Variants in CDH2 observed in about 807,000 individuals in gnomAD.
The protein encoded by CDH2 is cadherin-2.
Under a neutral mutation model 92.0 loss-of-function variants are expected in CDH2, and 17 were observed. The ratio of observed to expected loss-of-function variants is 0.18; its 90% CI spans 0.13 to 0.28. The LOEUF (loss-of-function observed/expected upper bound fraction) is 0.28, where lower values mean the gene tolerates loss of function less well. Among genes scored for constraint, CDH2 ranks in the 10% least tolerant of loss-of-function variants. The pLI, the probability that CDH2 is intolerant of heterozygous loss-of-function variation, is 1.00. For synonymous variants in CDH2, 419 were observed against 415.9 expected (o/e 1.01, Z -0.09); for missense variants, 862 against 1,133.1 (o/e 0.76, Z 3.44).
chr18:28,050,335 C>A (rs1254863872), intron 2 of CDH2, among the ~76,000 whole-genome samples: 6 of 152,112 alleles, frequency 3.9e-5, no homozygotes, highest in African/African-American at 1.4e-4. Flanking sequence ...TAGTATTATA[C>A]AATTGGACCT....
At chr18:27,956,966 T>A (rs144331968) in intron 15 of CDH2, among the ~76,000 whole-genome samples, 1 of 152,284 alleles carries the variant, frequency 6.6e-6, no homozygotes, top group East Asian at 1.9e-4. Flanking sequence ...ACCCACCTTT[T>A]CTGTTTCAGC....
chr18:28,118,176 A>G (rs1428233802), intron 2 of CDH2, among the ~76,000 whole-genome samples: 1 of 151,842 alleles, frequency 6.6e-6, no homozygotes, highest in Non-Finnish European at 1.5e-5. Context: ...AGTTATCTCT[A>G]TGATAATTAA....
intron 2 of CDH2, among the ~76,000 whole-genome samples, chr18:28,075,934 T>C (rs1172071355): frequency 1.3e-5 from 2 of 152,122 alleles, no homozygotes; most frequent in Non-Finnish European, 2.9e-5. Flanking sequence ...CCAAGGGAGA[T>C]AGGGTAAGTA....
chr18:28,053,102 C>A (rs1381867921), intron 2 of CDH2, among the ~76,000 whole-genome samples: 1 of 152,106 alleles, frequency 6.6e-6, no homozygotes, highest in Non-Finnish European at 1.5e-5. Flanking sequence ...GAAACTAAAC[C>A]TGCTGGCACC....
chr18:28,163,673 G>C (rs2016338470), intron 1 of CDH2, among the ~76,000 whole-genome samples: 1 of 152,184 alleles, frequency 6.6e-6, no homozygotes, highest in Admixed American at 6.5e-5. Flanking sequence ...ATGCTCTACA[G>C]CAGTGAAAAT....
intron 15 of CDH2, chr18:27,954,650 T>C (rs142049385): frequency 6.6e-5 from 10 of 152,328 alleles, no homozygotes; most frequent in Admixed American, 2.0e-4. Context: ...CCTTCATTAT[T>C]ATAAGCAGCA....
intron 2 of CDH2, among the ~76,000 whole-genome samples, chr18:28,053,059 C>T (rs2014223613): frequency 6.6e-6 from 1 of 152,096 alleles, no homozygotes; most frequent in Non-Finnish European, 1.5e-5. Flanking sequence ...GAGGACACAG[C>T]TAGAAGGCTA....
chr18:28,084,035 A>G (rs512639), intron 2 of CDH2, among the ~76,000 whole-genome samples: 73 of 152,204 alleles, frequency 4.8e-4, no homozygotes, highest in Non-Finnish European at 2.1e-4. Flanking sequence ...CTGGGTAGCC[A>G]GTAAGCAAAT....
At chr18:28,166,155 TATA>T (rs2016378778) in intron 1 of CDH2, among the ~76,000 whole-genome samples, 2 of 133,584 alleles carry the variant, frequency 1.5e-5, no homozygotes, top group South Asian at 4.8e-4. Flanking sequence ...CACTCATATA[TATA>T]TATATATATA....
At chr18:28,077,874 G>A (rs1014018807) in intron 2 of CDH2, among the ~76,000 whole-genome samples, 9 of 106,448 alleles carry the variant, frequency 8.5e-5, no homozygotes, top group African/African-American at 3.4e-4. Context: ...CTGGGCAACA[G>A]AGTGAGACCC....
chr18:28,130,609 TGAGAAAATGGAGCGCATCCA>T (rs2015751475), intron 2 of CDH2, among the ~76,000 whole-genome samples: 1 of 152,204 alleles, frequency 6.6e-6, no homozygotes, highest in South Asian at 2.1e-4. Flanking sequence ...GCACAAGTCC[TGAGAAAATGGAGCGCATCCA>T]GATGTGCGCA....
chr18:28,140,025 A>G (rs2015927631), intron 2 of CDH2, among the ~76,000 whole-genome samples: 1 of 151,970 alleles, frequency 6.6e-6, no homozygotes, highest in Admixed American at 6.6e-5. Context: ...CTCAAACACC[A>G]CATGTAGTCA....
chr18:28,018,906 TG>T (rs1436332460), intron 2 of CDH2, among the ~76,000 whole-genome samples: 1 of 150,010 alleles, frequency 6.7e-6, no homozygotes, highest in Non-Finnish European at 1.5e-5. Context: ...CATATATATG[TG>T]TGTGTATATA....
intron 2 of CDH2, among the ~76,000 whole-genome samples, chr18:28,054,349 G>C (rs1425151987): frequency 1.3e-5 from 2 of 152,048 alleles, no homozygotes; most frequent in Non-Finnish European, 2.9e-5. Flanking sequence ...TTCACTTGTA[G>C]GGCTCCTTAG....
chr18:27,952,123 C>T lies in CDH2; in HGVS notation c.*30G>A, dbSNP rs1567933093. 3 of 1,577,762 alleles carry T rather than the reference C, an allele frequency of 1.9e-6. No homozygotes were observed. Among genetic ancestry groups the T allele is most frequent in the Non-Finnish European group, 2.6e-6 (3 of 1,147,762 alleles). On this transcript the variant is annotated 3_prime_UTR_variant, in exon 16 of 16. Coordinates refer to ENST00000269141, the MANE Select transcript of CDH2 (RefSeq NM_001792.5). ...GGAATATCAGTTGAAATTGTTTGTA[C>T]TTGTCCAAAAACCAAGTTCACCCTG...
chr18:28,003,225 A>T (rs1285324418), intron 6 of CDH2, 56 bp from the exon 7 acceptor site: 5 of 1,322,230 alleles, frequency 3.8e-6, no homozygotes, highest in Non-Finnish European at 5.4e-6. Flanking sequence ...GGGACCCCAA[A>T]ATAGAAGGTA....
At chr18:28,082,904 C>T (rs1235230873) in intron 2 of CDH2, among the ~76,000 whole-genome samples, 3 of 152,146 alleles carry the variant, frequency 2.0e-5, no homozygotes, top group African/African-American at 7.2e-5. Context: ...GGTTCTTTCC[C>T]ACCCTCCTGT....
At chr18:27,954,610 A>G (rs2143859241) in intron 15 of CDH2, 1 of 152,328 alleles carries the variant, frequency 6.6e-6, no homozygotes, top group Admixed American at 6.5e-5. Flanking sequence ...GACAGACTAC[A>G]GCTGACTTAC....
intron 2 of CDH2, among the ~76,000 whole-genome samples, chr18:28,076,407 T>C (rs2014719599): frequency 6.6e-6 from 1 of 152,186 alleles, no homozygotes; most frequent in South Asian, 2.1e-4. Flanking sequence ...GAGACTCACA[T>C]CTGGGGGAAA....
Sources: allele counts gnomAD v4.1 joint callset (sites outside exome capture counted in the v4.1 genomes callset), GRCh38; gene constraint gnomAD v4.1.1; transcripts MANE v1.5; gene names NCBI Gene and HGNC (gene_info 2026-07-23, HGNC 2026-07-21).